The following UHMK1 variants were observed in gnomAD, a reference collection of about 807,000 sequenced individuals.
The protein encoded by UHMK1 is U2AF homology motif kinase 1, also known as serine/threonine-protein kinase Kist.
Under a neutral mutation model 44.0 loss-of-function variants are expected in UHMK1, and 18 were observed. The ratio of observed to expected loss-of-function variants is 0.41; its 90% CI spans 0.28 to 0.61. UHMK1 has a LOEUF of 0.61. UHMK1 is among the 20% of genes least tolerant of loss of function. UHMK1 has a pLI of 0.31. For missense variants in UHMK1, 463 were observed against 522.5 expected, an observed-to-expected ratio of 0.89 and a Z score of 1.11; for synonymous variants, 231 against 198.5, an observed-to-expected ratio of 1.16 and a Z score of -1.38.
chr1:162,515,441 A>G (rs1651800782), intron 6 of UHMK1, among the ~76,000 whole-genome samples: 1 of 152,228 alleles, frequency 6.6e-6, no homozygotes, highest in African/African-American at 2.4e-5. Context: ...TTAAAATGTT[A>G]CAGATAAGGC....
At chr1:162,506,370 A>G (rs1397168160) in intron 4 of UHMK1, among the ~76,000 whole-genome samples, 1 of 152,088 alleles carries the variant, frequency 6.6e-6, no homozygotes. Flanking sequence ...ATTGCATTAT[A>G]TATGCATGCA....
chr1:162,509,732 C>T (rs10127505), intron 4 of UHMK1, among the ~76,000 whole-genome samples: 393 of 152,312 alleles, frequency 2.6e-3, no homozygotes, highest in African/African-American at 8.8e-3. Context: ...ACCTCCGCCT[C>T]CCAGGTTCAA....
At chr1:162,521,693 A>G (rs1652064953) in intron 7 of UHMK1, among the ~76,000 whole-genome samples, 1 of 152,200 alleles carries the variant, frequency 6.6e-6, no homozygotes, top group South Asian at 2.1e-4. Context: ...CAGTGGCGCA[A>G]TCTCAGCTCC....
chr1:162,504,353 A>G (rs951806647), intron 4 of UHMK1, among the ~76,000 whole-genome samples: 3 of 152,236 alleles, frequency 2.0e-5, no homozygotes, highest in Non-Finnish European at 4.4e-5. Flanking sequence ...GTCATTTAAC[A>G]GTAGGGATCT....
At chr1:162,512,876 A>G in intron 6 of UHMK1, 53 bp downstream of exon 6, 1 of 1,488,208 alleles carries the variant, frequency 6.7e-7, no homozygotes, top group East Asian at 2.3e-5. Context: ...TAAGTCTAGA[A>G]TAAACATATC....
At chr1:162,499,618 T>C (rs1651195389) in intron 1 of UHMK1, among the ~76,000 whole-genome samples, 1 of 152,208 alleles carries the variant, frequency 6.6e-6, no homozygotes, top group South Asian at 2.1e-4. Context: ...AAGTTTTATT[T>C]ATTTATATTT....
chr1:162,520,956 G>GA (rs979076889), intron 7 of UHMK1, among the ~76,000 whole-genome samples: 1 of 152,080 alleles, frequency 6.6e-6, no homozygotes, highest in African/African-American at 2.4e-5. Flanking sequence ...AAGATGATAT[G>GA]AAAAAAGTAT....
intron 6 of UHMK1, among the ~76,000 whole-genome samples, chr1:162,517,802 T>C (rs536378122): frequency 6.6e-6 from 1 of 152,080 alleles, no homozygotes; most frequent in African/African-American, 2.4e-5. Flanking sequence ...GAAGAATCGC[T>C]TGAACCCGAG....
intron 4 of UHMK1, among the ~76,000 whole-genome samples, chr1:162,510,991 A>G (rs767220204): frequency 3.9e-5 from 6 of 151,998 alleles, no homozygotes; most frequent in Non-Finnish European, 8.8e-5. Flanking sequence ...TGTAATAGGT[A>G]TGAGGTGATA....
At chr1:162,518,328 C>G in intron 7 of UHMK1, 138 bp downstream of exon 7, 1 of 585,018 alleles carries the variant, frequency 1.7e-6, no homozygotes, top group Non-Finnish European at 3.0e-6. Flanking sequence ...TTTTTATATT[C>G]TGACTTGTAC....
rs760388281 is a variant in UHMK1, at chr1:162,512,482, C to T, written c.849-18C>T. ...AAGATTCAGCAGAAATGATAAGGCA[C>T]CTATTTTTGTGTTTTAGCATGCTTC... On this transcript the variant is annotated intron_variant, in intron 4 of 7. Transcript: ENST00000489294. The T allele has an allele frequency of 6.9e-6, 11 of 1,589,564 alleles. No individual in the cohort carries two copies. The East Asian group carries it at 2.5e-4, about 36-fold the overall frequency.
chr1:162,521,509 A>C (rs924374427), intron 7 of UHMK1, among the ~76,000 whole-genome samples: 1 of 152,180 alleles, frequency 6.6e-6, no homozygotes, highest in Non-Finnish European at 1.5e-5. Context: ...GCTGGAGCAC[A>C]TACAGTGTCG....
rs114993862 is a variant in UHMK1, at chr1:162,517,938, T to C, written c.1025-164T>C. Among the ~76,000 whole-genome samples the C allele has an allele frequency of 9.8e-3, 1,486 of 152,212 alleles. 25 individuals carry two copies. The highest frequency in any genetic ancestry group is 0.034 in the African/African-American group (1,417 of 41,542). The stretch of plus-strand genomic sequence containing the variant: ...TCAAGGAGAGTAGAAGGTGGAAGAC[T>C]ATTATTTATAATTTTGAATCATTTG... On this transcript the variant is annotated intron_variant, in intron 6 of 7. Transcript: ENST00000489294.
In UHMK1 at chr1:162,503,771, T is replaced by G. The variant is rs1311449763; in HGVS notation, c.771T>G (p.Ile257Met). The G allele has an allele frequency of 6.2e-7, 1 of 1,614,094 alleles. No individual in the cohort carries two copies. Among genetic ancestry groups the G allele is most frequent in the Non-Finnish European group, 8.5e-7 (1 of 1,179,982 alleles). Residue 257 changes from isoleucine to methionine, a missense_variant, in exon 4 of 8, where the codon ATT (isoleucine) becomes ATG (methionine). Around this residue, in one of 3 missense-constraint regions of UHMK1, gnomAD observed 264 missense variants for 326.3 expected, o/e 0.81. Coordinates refer to ENST00000489294, the MANE Select transcript of UHMK1 (RefSeq NM_175866.5). ...TTTTTAAGGCAAACAGTTCTGCTAT[T>G]ATTGATCACATATTTGCCAGTAAAG... ...SQEWKANSSA[I>M]IDHIFASKAV... is the part of the protein sequence containing the mutation.
upstream of UHMK1, chr1:162,497,710 G>T: frequency 9.9e-7 from 1 of 1,013,452 alleles, no homozygotes; most frequent in Non-Finnish European, 1.3e-6. Flanking sequence ...TCTTATTCTC[G>T]GTTCTTTTTT....
intron 6 of UHMK1, among the ~76,000 whole-genome samples, chr1:162,514,383 T>C (rs979151545): frequency 6.6e-6 from 1 of 152,192 alleles, no homozygotes; most frequent in Admixed American, 6.5e-5. Context: ...AACTATAGTT[T>C]CCTCATCTAT....
In UHMK1 at chr1:162,529,381, T is replaced by C. The variant is rs1652365637; in HGVS notation, c.*6831T>C. The C allele has an allele frequency of 1.3e-5, 2 of 152,220 alleles. No individual in the cohort carries two copies. The highest frequency in any genetic ancestry group is 4.1e-4 in the South Asian group (2 of 4,836). 9.4% of individuals were successfully genotyped at this position (152,220 alleles called of 1,614,324 possible). A position where few individuals can be genotyped will look rare whatever the true frequency, so the allele number is the denominator to read the frequency against. Reference sequence around the variant, plus strand: ...TTCCATTCAAGTCTTTTAAACTCTTTCCTGCTGAATAGCAAAGAACTTTTA... The same window carrying C: ...TTCCATTCAAGTCTTTTAAACTCTTCCCTGCTGAATAGCAAAGAACTTTTA... On this transcript the variant is annotated 3_prime_UTR_variant, in exon 8 of 8. Coordinates refer to ENST00000489294, the MANE Select transcript of UHMK1 (RefSeq NM_175866.5).
intron 4 of UHMK1, among the ~76,000 whole-genome samples, chr1:162,508,944 C>CA (rs1447071475): frequency 6.6e-6 from 1 of 152,052 alleles, no homozygotes; most frequent in East Asian, 1.9e-4. Flanking sequence ...AGGCATACAC[C>CA]ACCATGCCTG....
Position 162,511,163 on chromosome 1 carries a change from G to A in UHMK1, c.849-1337G>A, listed in dbSNP as rs181166269. Among the ~76,000 whole-genome samples, 381 of 146,570 alleles carry A rather than the reference G, an allele frequency of 2.6e-3. 2 individuals are homozygous for A. The highest frequency in any genetic ancestry group is 9.2e-3 in the African/African-American group (367 of 40,096). ...TTGTTTCCTTGCTATAAAGTTATTTGAGCTCTTTTTTTCTTTTTTCTTTTT... is the reference window on the plus strand; with the variant it reads ...TTGTTTCCTTGCTATAAAGTTATTTAAGCTCTTTTTTTCTTTTTTCTTTTT... On this transcript the variant is annotated intron_variant, in intron 4 of 7. Coordinates refer to ENST00000489294, the MANE Select transcript of UHMK1 (RefSeq NM_175866.5).
Sources: gnomAD v4.1 joint callset for allele counts (sites outside exome capture counted in the v4.1 genomes callset) on GRCh38, gnomAD v4.1.1 for gene constraint, gnomAD v4.1.1 regional missense constraint, MANE v1.5 for transcripts, NCBI Gene and HGNC (gene_info 2026-07-23, HGNC 2026-07-21) for gene names.